SLC25A13: variants seen among roughly 807,000 people sequenced by gnomAD.
The protein encoded by SLC25A13 is electrogenic aspartate/glutamate antiporter SLC25A13, mitochondrial.
Under a neutral mutation model 85.5 loss-of-function variants are expected in SLC25A13, and 70 were observed. That is an observed-to-expected ratio of 0.82 (90% CI 0.68 to 1.00). The LOEUF (loss-of-function observed/expected upper bound fraction) is 1.00. Among genes scored for constraint, SLC25A13 ranks in the 50% least tolerant of loss-of-function variants. The probability of loss-of-function intolerance (pLI) is 0.00; values close to 1 mark genes in which losing one functional copy is unlikely to be tolerated. For missense variants in SLC25A13, 765 were observed against 819.8 expected (o/e 0.93, Z 0.82); for synonymous variants, 259 against 288.7 (o/e 0.90, Z 1.04).
At chr7:96,163,903 C>CT (rs1793628496) in intron 13 of SLC25A13, among the ~76,000 whole-genome samples, 1 of 151,554 alleles carries the variant, frequency 6.6e-6, no homozygotes, top group African/African-American at 2.4e-5. Context: ...CTCTCTCTCT[C>CT]CATATATATA....
chr7:96,209,518 A>G (rs1795610449), intron 4 of SLC25A13, among the ~76,000 whole-genome samples: 1 of 152,116 alleles, frequency 6.6e-6, no homozygotes, highest in African/African-American at 2.4e-5. Flanking sequence ...AAAGTCCAAC[A>G]CTTTATCGAG....
intron 1 of SLC25A13, among the ~76,000 whole-genome samples, chr7:96,304,786 G>A (rs1265563582): frequency 6.6e-6 from 1 of 152,170 alleles, no homozygotes; most frequent in Non-Finnish European, 1.5e-5. Flanking sequence ...AGTGTACTAG[G>A]CCCAGCGCCA....
chr7:96,120,970 G>T lies in SLC25A13; in HGVS notation c.*221C>A, dbSNP rs1289168569. On this transcript the variant is annotated 3_prime_UTR_variant, in exon 18 of 18. Coordinates refer to ENST00000265631, the MANE Select transcript of SLC25A13 (RefSeq NM_014251.3). ...CCATCAATTTTCAGATGCAAACAAA[G>T]GTTTCTGGGCAGAGGGCCAAATAAT... 4 of 668,628 alleles carry T rather than the reference G, an allele frequency of 6.0e-6. No homozygotes were observed. Among genetic ancestry groups the T allele is most frequent in the Non-Finnish European group, 1.1e-5 (4 of 370,586 alleles). 41.4% of individuals were successfully genotyped at this position (668,628 alleles called of 1,614,324 possible).
rs1794754240 is a variant in SLC25A13, at chr7:96,189,338, C to G, written c.889G>C (p.Glu297Gln). Reference protein sequence around the residue: ...LADIERIAPLEEGTLPFNLAE... With the variant: ...LADIERIAPLQEGTLPFNLAE... ...AAGTTAAAGGGCAGAGTTCCCTCTT[C>G]CAGAGGAGCAATCCGTTCAATGTCT... The change falls in exon 9 of 18, where the codon GAA becomes CAA. Residue 297 changes from glutamate to glutamine, a missense_variant. Glu to Gln is a conservative substitution (Grantham distance 29). Coordinates refer to ENST00000265631, the MANE Select transcript of SLC25A13 (RefSeq NM_014251.3). 6.2e-7 allele frequency: 1 copy of G among 1,614,026 alleles called. No individual in the cohort carries two copies.
chr7:96,128,165 A>G (rs1303406613), intron 15 of SLC25A13, among the ~76,000 whole-genome samples: 3 of 152,238 alleles, frequency 2.0e-5, no homozygotes, highest in African/African-American at 7.2e-5. Context: ...ATTTTATAAC[A>G]AAATGCATTA....
At chr7:96,275,945 A>G (rs1798433636) in intron 3 of SLC25A13, among the ~76,000 whole-genome samples, 1 of 152,244 alleles carries the variant, frequency 6.6e-6, no homozygotes. Flanking sequence ...GAAAACTGAG[A>G]GTATTCGAAG....
chr7:96,253,275 A>C (rs917442752), intron 3 of SLC25A13, among the ~76,000 whole-genome samples: 5 of 152,182 alleles, frequency 3.3e-5, no homozygotes, highest in Non-Finnish European at 7.3e-5. Context: ...ATTGGGGAAG[A>C]AAAGTAGGAG....
chr7:96,149,558 A>G (rs1035074540), intron 13 of SLC25A13, among the ~76,000 whole-genome samples: 2 of 152,220 alleles, frequency 1.3e-5, no homozygotes, highest in African/African-American at 4.8e-5. Flanking sequence ...GGAAGAAAGA[A>G]TGTAGTGATA....
chr7:96,300,621 T>C lies in SLC25A13; in HGVS notation c.16-3670A>G, dbSNP rs1270256478. ...GAAACTCATGGGTCTTCAAACACACTCACCAAACCACTAAATAAACATTGT... is the reference window on the plus strand; with the variant it reads ...GAAACTCATGGGTCTTCAAACACACCCACCAAACCACTAAATAAACATTGT... On this transcript the variant is annotated intron_variant, in intron 1 of 17. Coordinates refer to ENST00000265631, the MANE Select transcript of SLC25A13 (RefSeq NM_014251.3). Among the ~76,000 whole-genome samples the C allele has an allele frequency of 2.6e-5, 4 of 152,132 alleles. No homozygotes were observed. The East Asian group carries it at 7.7e-4, about 29-fold the overall frequency.
intron 13 of SLC25A13, among the ~76,000 whole-genome samples, chr7:96,164,745 C>CACACACACAA (rs71529818): frequency 1.3e-5 from 2 of 151,448 alleles, no homozygotes; most frequent in East Asian, 1.9e-4. Flanking sequence ...CACACACACA[C>CACACACACAA]AAAAGAAGCA....
At chr7:96,306,577 C>T (rs1013393882) in intron 1 of SLC25A13, among the ~76,000 whole-genome samples, 1 of 151,456 alleles carries the variant, frequency 6.6e-6, no homozygotes, top group Non-Finnish European at 1.5e-5. Context: ...CGGTAGAGAG[C>T]CTTGGGCCTA....
At chr7:96,321,513 C>G (rs2117048327) in intron 1 of SLC25A13, among the ~76,000 whole-genome samples, 1 of 152,156 alleles carries the variant, frequency 6.6e-6, no homozygotes, top group South Asian at 2.1e-4. Flanking sequence ...CAGGCTTCAG[C>G]CCGGGCTCTG....
chr7:96,304,030 A>C (rs1430156008), intron 1 of SLC25A13, among the ~76,000 whole-genome samples: 1 of 152,162 alleles, frequency 6.6e-6, no homozygotes, highest in Non-Finnish European at 1.5e-5. Flanking sequence ...GGAATTCCCT[A>C]AAACCACAGT....
chr7:96,320,249 C>T (rs34738278), intron 1 of SLC25A13, among the ~76,000 whole-genome samples: 84,103 of 152,028 alleles, frequency 0.55, 25,222 homozygotes, highest in Non-Finnish European at 0.67. Flanking sequence ...TCAACTGACC[C>T]GCCCGCCCCA....
intron 1 of SLC25A13, among the ~76,000 whole-genome samples, chr7:96,298,679 C>T (rs572086033): frequency 2.0e-5 from 3 of 152,226 alleles, no homozygotes; most frequent in African/African-American, 4.8e-5. Flanking sequence ...GTGATCTGCC[C>T]GCCTCAGACT....
At chr7:96,254,097 TTA>T (rs1355209413) in intron 3 of SLC25A13, among the ~76,000 whole-genome samples, 9 of 152,180 alleles carry the variant, frequency 5.9e-5, no homozygotes, top group Admixed American at 2.6e-4. Context: ...ATGGTTAATT[TTA>T]TGTGTTACCT....
intron 1 of SLC25A13, among the ~76,000 whole-genome samples, chr7:96,317,631 C>G (rs1374547089): frequency 6.6e-6 from 1 of 151,926 alleles, no homozygotes; most frequent in Non-Finnish European, 1.5e-5. Context: ...TCCCTCATCT[C>G]CTCAGAAATG....
At chr7:96,169,059 TCAAA>T (rs1426132193) in intron 13 of SLC25A13, among the ~76,000 whole-genome samples, 1 of 152,146 alleles carries the variant, frequency 6.6e-6, no homozygotes, top group Non-Finnish European at 1.5e-5. Context: ...AGGTCAGTGA[TCAAA>T]CAGAGAGTCA....
intron 2 of SLC25A13, among the ~76,000 whole-genome samples, chr7:96,288,357 G>A (rs1798973477): frequency 6.6e-6 from 1 of 152,188 alleles, no homozygotes; most frequent in African/African-American, 2.4e-5. Context: ...GCAGAAGACA[G>A]GTGATTTCTG....
Sources: allele counts gnomAD v4.1 joint callset (sites outside exome capture counted in the v4.1 genomes callset), GRCh38; gene constraint gnomAD v4.1.1; transcripts MANE v1.5; gene names NCBI Gene and HGNC (gene_info 2026-07-23, HGNC 2026-07-21).